The following ENTHD1 variants were observed in gnomAD, a reference collection of about 807,000 sequenced individuals.
ENTHD1 encodes ENTH domain-containing protein 1.
In ENTHD1, 23 loss-of-function variants were observed where a neutral mutation model predicts 39.1. The observed-to-expected ratio is 0.59, with a 90% confidence interval of 0.42 to 0.83. ENTHD1 has a LOEUF of 0.83. Among genes scored for constraint, ENTHD1 ranks in the 40% least tolerant of loss-of-function variants. ENTHD1 has a pLI of 0.00. For synonymous variants in ENTHD1, 230 were observed against 258.2 expected (o/e 0.89, Z 1.05); for missense variants, 624 against 705.4 (o/e 0.88, Z 1.31).
At chr22:39,848,300 C>T (rs993535084) in intron 3 of ENTHD1, among the ~76,000 whole-genome samples, 6 of 151,512 alleles carry the variant, frequency 4.0e-5, no homozygotes, top group African/African-American at 1.5e-4. Context: ...TGTCACCAGG[C>T]TGGAGTGCAG....
intron 3 of ENTHD1, among the ~76,000 whole-genome samples, chr22:39,846,654 G>T (rs1429857977): frequency 2.1e-4 from 32 of 151,954 alleles, no homozygotes; most frequent in Admixed American, 2.1e-3. Flanking sequence ...CTGACAAAGG[G>T]CTAATATCCA....
intron 3 of ENTHD1, among the ~76,000 whole-genome samples, chr22:39,853,567 A>C (rs748730365): frequency 4.6e-5 from 7 of 151,954 alleles, no homozygotes; most frequent in Non-Finnish European, 7.4e-5. Context: ...AAACACTTTT[A>C]TTCTTCTTCT....
rs376116655 is a variant in ENTHD1 at position 39,744,053 on chromosome 22, C to T, written c.1450G>A (p.Glu484Lys). ...CCCAGTAGATTGAGGCTATCATTTT[C>T]CTCTACATCAGAAGACACTGGGCCC... ...SRGPVSSDVEENDSLNLLGIL... is the reference protein window; with the variant it reads ...SRGPVSSDVEKNDSLNLLGIL... Residue 484 changes from glutamate (E) to lysine (K), a missense_variant, in exon 7 of 7, where the codon GAA becomes AAA. By Grantham distance (56) the Glu-to-Lys change is moderately conservative. Transcript: ENST00000325157. 13 of 1,614,138 alleles carry T rather than the reference C, an allele frequency of 8.1e-6. No individual in the cohort carries two copies. The East Asian group carries it at 8.9e-5, about 11-fold the overall frequency.
chr22:39,829,045 A>G lies in ENTHD1; in HGVS notation c.711+6795T>C, dbSNP rs182062493. ...CTGCCTAAGCAATCATTTATTTCTC[A>G]TTCTGTAGATGTAGTACATTTGACA... On this transcript the variant is annotated intron_variant, in intron 4 of 6. Transcript: ENST00000325157. 3.9e-5 allele frequency among the ~76,000 whole-genome samples: 6 copies of G among 152,318 alleles called. No homozygotes were observed. In the East Asian group the frequency reaches 1.2e-3, roughly 29 times the overall value.
chr22:39,862,133 A>T, intron 2 of ENTHD1, 126 bp from the exon 3 acceptor site: 1 of 590,504 alleles, frequency 1.7e-6, no homozygotes, highest in Non-Finnish European at 2.7e-6. Flanking sequence ...GCAAATAAAG[A>T]ACTACTGATA....
intron 5 of ENTHD1, among the ~76,000 whole-genome samples, chr22:39,820,262 T>A (rs1569154211): frequency 6.6e-6 from 1 of 152,092 alleles, no homozygotes; most frequent in Non-Finnish European, 1.5e-5. Flanking sequence ...TGGGAAGATA[T>A]AACTCAAAAC....
intron 3 of ENTHD1, among the ~76,000 whole-genome samples, chr22:39,850,841 C>T (rs567127225): frequency 6.6e-6 from 1 of 152,252 alleles, no homozygotes; most frequent in Admixed American, 6.5e-5. Flanking sequence ...TGGCTACCCA[C>T]TATTCTAGTT....
At chr22:39,845,074 TAA>T (rs771360467) in intron 3 of ENTHD1, among the ~76,000 whole-genome samples, 17 of 120,884 alleles carry the variant, frequency 1.4e-4, no homozygotes, top group East Asian at 2.4e-4. Flanking sequence ...AAAAATGGAT[TAA>T]AAAAAAAAAA....
chr22:39,885,148 TCAAA>T (rs1198737159), intron 2 of ENTHD1, among the ~76,000 whole-genome samples: 3 of 152,170 alleles, frequency 2.0e-5, no homozygotes, highest in African/African-American at 4.8e-5. Context: ...CTTTTAATAC[TCAAA>T]CAGTTGTTTT....
intron 6 of ENTHD1, among the ~76,000 whole-genome samples, chr22:39,764,457 CCT>C (rs1229932018): frequency 2.0e-5 from 3 of 151,970 alleles, no homozygotes; most frequent in Non-Finnish European, 4.4e-5. Context: ...AGAACAAGAC[CCT>C]GTCTCTAATA....
In ENTHD1 at chr22:39,887,743, C is replaced by G. The variant is rs143322957; in HGVS notation, c.6G>C (p.Ala2=). The change falls in exon 2 of 7, where the codon GCG becomes GCC. Residue 2 remains alanine, a synonymous_variant. Transcript: ENST00000325157. The part of the protein sequence containing the change: M[A]FRRQVKNFVK... ...CAAAGTTTTTCACTTGTCTCCTGAA[C>G]GCCATAAGTAATACAAGTTCCAAGG... 1.3e-6 allele frequency: 2 copies of G among 1,557,408 alleles called. No individual in the cohort carries two copies. Among genetic ancestry groups the G allele is most frequent in the Non-Finnish European group, 1.7e-6 (2 of 1,154,838 alleles).
At chr22:39,765,873 G>A (rs898688110) in intron 5 of ENTHD1, among the ~76,000 whole-genome samples, 4 of 151,614 alleles carry the variant, frequency 2.6e-5, no homozygotes, top group African/African-American at 9.7e-5. Context: ...CAAATAACTT[G>A]TCTTTAAATA....
chr22:39,864,354 T>A (rs1048813466), intron 2 of ENTHD1, among the ~76,000 whole-genome samples: 1 of 152,198 alleles, frequency 6.6e-6, no homozygotes, highest in Non-Finnish European at 1.5e-5. Flanking sequence ...TGTGTGGCTC[T>A]ATCCCTGATT....
rs1290823838 is a variant in ENTHD1, at chr22:39,765,620, A to G, written c.833-11T>C. ...GAGTAGGCACAGCATCTATAAAAGA[A>G]CAAATAAGAGCTATAATCAAAAAAT... On this transcript the variant is annotated splice_polypyrimidine_tract_variant and intron_variant, in intron 5 of 6. Transcript: ENST00000325157. 4 of 1,584,408 alleles carry G rather than the reference A, an allele frequency of 2.5e-6. No homozygotes were observed. In the African/African-American group the frequency reaches 5.5e-5, roughly 22 times the overall value.
intron 5 of ENTHD1, among the ~76,000 whole-genome samples, chr22:39,820,503 G>C (rs140007869): frequency 2.4e-4 from 37 of 152,150 alleles, no homozygotes; most frequent in Non-Finnish European, 4.9e-4. Flanking sequence ...GATCCTCAAG[G>C]ATCCAGAGTA....
At chr22:39,884,969 C>G (rs1241725073) in intron 2 of ENTHD1, among the ~76,000 whole-genome samples, 1 of 152,070 alleles carries the variant, frequency 6.6e-6, no homozygotes, top group African/African-American at 2.4e-5. Context: ...TATATGACAC[C>G]TAAAGCACAA....
rs548942733 is a variant in ENTHD1 at position 39,765,081 on chromosome 22, A to G, written c.1219+142T>C. 104 of 1,357,848 alleles carry G rather than the reference A, an allele frequency of 7.7e-5. No individual in the cohort carries two copies. In the East Asian group the frequency reaches 2.6e-3, roughly 34 times the overall value. 84.1% of individuals were successfully genotyped at this position (1,357,848 alleles called of 1,614,324 possible). ...TAAGAAGTATGTGTATGGCATGTAC[A>G]TTTTAATATCAATGATGAAGAGTGA... On this transcript the variant is annotated intron_variant, in intron 6 of 6. Coordinates refer to ENST00000325157, the MANE Select transcript of ENTHD1 (RefSeq NM_152512.4).
chr22:39,887,276 A>C, intron 2 of ENTHD1, 124 bp downstream of exon 2: 1 of 794,956 alleles, frequency 1.3e-6, no homozygotes, highest in East Asian at 2.6e-5. Context: ...CACAGGTGCA[A>C]TCTTTCCTCA....
rs1601643763 is a variant in ENTHD1, at chr22:39,854,491, C to T, written c.592+7274G>A. 2.0e-5 allele frequency among the ~76,000 whole-genome samples: 3 copies of T among 152,258 alleles called. No homozygotes were observed. The South Asian group carries it at 6.2e-4, about 32-fold the overall frequency. On this transcript the variant is annotated intron_variant, in intron 3 of 6. Transcript: ENST00000325157. ...TTGCTGGTCTGGCTGTAAGTAGTGCCTCTGGAGATCATTTTTGTAATAACT... is the reference window on the plus strand; with the variant it reads ...TTGCTGGTCTGGCTGTAAGTAGTGCTTCTGGAGATCATTTTTGTAATAACT...
Sources: allele counts gnomAD v4.1 joint callset (sites outside exome capture counted in the v4.1 genomes callset), GRCh38; gene constraint gnomAD v4.1.1; transcripts MANE v1.5; gene names NCBI Gene and HGNC (gene_info 2026-07-23, HGNC 2026-07-21).